The following SIRPB1 variants were observed in gnomAD, a reference collection of about 807,000 sequenced individuals.
SIRPB1 encodes signal-regulatory protein beta-1.
In SIRPB1, 28 loss-of-function variants were observed where a neutral mutation model predicts 34.1. That is an observed-to-expected ratio of 0.82 (90% CI 0.61 to 1.12). The LOEUF is 1.12. Ranked by LOEUF, SIRPB1 falls within the 50% of genes most tolerant of loss-of-function variation. SIRPB1 has a pLI of 0.00. For missense variants in SIRPB1, 499 were observed against 507.0 expected (o/e 0.98, Z 0.15); for synonymous variants, 211 against 203.8 (o/e 1.04, Z -0.30).
chr20:1,595,288 C>T lies in SIRPB1; in HGVS notation c.77-16594G>A, dbSNP rs2091455061. 4.1e-5 allele frequency among the ~76,000 whole-genome samples: 2 copies of T among 48,984 alleles called. 1 individual carries two copies. Among genetic ancestry groups the T allele is most frequent in the African/African-American group, 2.7e-4 (2 of 7,424 alleles). The allele number at this position is 48,984 out of a possible 152,430, so 32.1% of individuals were successfully genotyped here. ...AGAGGAGACATCACATAGAAATACA[C>T]CTGTATAGAGCAGGCTGCACACAAC... On this transcript the variant is annotated intron_variant, in intron 1 of 5. Coordinates refer to ENST00000381605, the MANE Select transcript of SIRPB1 (RefSeq NM_006065.5).
chr20:1,577,167 G>A (rs1235576536), intron 2 of SIRPB1, among the ~76,000 whole-genome samples: 1 of 148,140 alleles, frequency 6.8e-6, no homozygotes, highest in Non-Finnish European at 1.5e-5. Context: ...TTAACATTTG[G>A]GAAACTGATG....
chr20:1,564,274 GC>G lies in SIRPB1; in HGVS notation c.*1225del, dbSNP rs2091100743. The stretch of plus-strand genomic sequence containing the variant: ...TGCACTGCCATGAAAAGTGAGGGCT[GC>G]CTGTATTCGGCATAATACTCATCAA... On this transcript the variant is annotated 3_prime_UTR_variant, in exon 6 of 6. Transcript: ENST00000381605. The G allele has an allele frequency of 6.6e-6, 1 of 152,154 alleles. No individual in the cohort carries two copies. The highest frequency in any genetic ancestry group is 1.5e-5 in the Non-Finnish European group (1 of 68,026). The allele number at this position is 152,154 out of a possible 1,614,324, so 9.4% of individuals were successfully genotyped here.
At chr20:1,566,837 C>T (rs956956042) in intron 4 of SIRPB1, among the ~76,000 whole-genome samples, 1 of 152,110 alleles carries the variant, frequency 6.6e-6, no homozygotes, top group Non-Finnish European at 1.5e-5. Flanking sequence ...CCCATATTCT[C>T]ATGATCTCAG....
chr20:1,577,471 G>A (rs2091330626), intron 2 of SIRPB1, among the ~76,000 whole-genome samples: 1 of 147,620 alleles, frequency 6.8e-6, no homozygotes, highest in African/African-American at 2.5e-5. Flanking sequence ...TTAAGACGAG[G>A]CTTTTGGGGC....
intron 4 of SIRPB1, among the ~76,000 whole-genome samples, chr20:1,566,530 A>T (rs559852954): frequency 6.6e-6 from 1 of 152,246 alleles, no homozygotes; most frequent in African/African-American, 2.4e-5. Context: ...AGGTATTCAT[A>T]TATGTGGCAA....
chr20:1,618,182 A>G (rs2091658807), intron 1 of SIRPB1, among the ~76,000 whole-genome samples: 1 of 152,214 alleles, frequency 6.6e-6, no homozygotes, highest in Admixed American at 6.5e-5. Flanking sequence ...CATAGAAAGC[A>G]TCCAACACAT....
chr20:1,569,446 C>A (rs1172023345), intron 4 of SIRPB1, among the ~76,000 whole-genome samples: 1 of 152,208 alleles, frequency 6.6e-6, no homozygotes, highest in East Asian at 1.9e-4. Context: ...ATCACATGAT[C>A]CCTCAATGTG....
At chr20:1,619,720 C>A in intron 1 of SIRPB1, 149 bp downstream of exon 1, 1 of 554,940 alleles carries the variant, frequency 1.8e-6, no homozygotes. Flanking sequence ...AGAGAAAGTG[C>A]TCAGCTCCCT....
At position 1,562,819 on chromosome 20, in the gene SIRPB1, A is replaced by G. The variant is rs143076963; in HGVS notation, c.*2681T>C. Among the ~76,000 whole-genome samples the G allele has an allele frequency of 2.8e-3, 433 of 152,364 alleles. 1 individual carries two copies. Among genetic ancestry groups the G allele is most frequent in the African/African-American group, 1.0e-2 (414 of 41,600 alleles). On this transcript the variant is annotated 3_prime_UTR_variant, in exon 6 of 6. Coordinates refer to ENST00000381605, the MANE Select transcript of SIRPB1 (RefSeq NM_006065.5). ...GTGATGAGCCCATATGACATTTTAC[A>G]GAAATGAATAATTGAAAGAGGAATT... is the stretch of plus-strand genomic sequence containing the variant.
chr20:1,570,977 G>T lies in SIRPB1; in HGVS notation c.912C>A (p.Asn304Lys). Residue 304 changes from asparagine to lysine, a missense_variant, in exon 4 of 6, where the codon AAC becomes AAA. Asn to Lys is a moderately conservative substitution (Grantham distance 94, BLOSUM62 0). Transcript: ENST00000381605. ...RTETASTLIE[N>K]KDGTYNWMSW... ...TCATCCAGTTGTAGGTGCCATCCTTGTTCTCTATGAGGGTCGAAGCTGTTT... is the reference window on the plus strand; with the variant it reads ...TCATCCAGTTGTAGGTGCCATCCTTTTTCTCTATGAGGGTCGAAGCTGTTT... 6.2e-7 allele frequency: 1 copy of T among 1,614,170 alleles called. No individual in the cohort carries two copies. The highest frequency in any genetic ancestry group is 2.2e-5 in the East Asian group (1 of 44,878).
chr20:1,572,047 G>A lies in SIRPB1; in HGVS notation c.434-10C>T. On this transcript the variant is annotated splice_polypyrimidine_tract_variant and intron_variant, in intron 2 of 5. Coordinates refer to ENST00000381605, the MANE Select transcript of SIRPB1 (RefSeq NM_006065.5). The stretch of plus-strand genomic sequence containing the variant: ...GGGGCAGAGGGTTTGGCTACAAAAG[G>A]ACCATCGATAATCAGGAGACATGAC... 2 of 1,613,944 alleles carry A rather than the reference G, an allele frequency of 1.2e-6. No homozygotes were observed. Among genetic ancestry groups the A allele is most frequent in the Non-Finnish European group, 1.7e-6 (2 of 1,179,928 alleles).
chr20:1,571,761 TC>T lies in SIRPB1; in HGVS notation c.709del (p.Asp237ThrfsTer26), dbSNP rs2091241581. 1 of 1,613,956 alleles carries T rather than the reference TC, an allele frequency of 6.2e-7. No individual in the cohort carries two copies. Among genetic ancestry groups the T allele is most frequent in the Non-Finnish European group, 8.5e-7 (1 of 1,179,976 alleles). On this transcript the variant is annotated frameshift_variant, in exon 3 of 6. Transcript: ENST00000381605. LOFTEE classifies it high-confidence loss of function. ...CAAGTTGGCAGTCCCACGAAGAGGG[TC>T]CCCCTGCAAGGTGATGTGGGCTATC... Reference protein sequence around the residue: ...CEIAHITLQGDPLRGTANLSE... With the variant: ...CEIAHITLQGXPLRGTANLSE...
rs1284828278 is a variant in SIRPB1, at chr20:1,612,001, T to C, written c.76+7868A>G. ...TCTTTTCTTTTTGTTTTTCTTTTTC[T>C]TTTTTTTAAGACAGGGTCTTGCTCT... On this transcript the variant is annotated intron_variant, in intron 1 of 5. Coordinates refer to ENST00000381605, the MANE Select transcript of SIRPB1 (RefSeq NM_006065.5). 2.8e-5 allele frequency among the ~76,000 whole-genome samples: 2 copies of C among 71,074 alleles called. 1 individual carries two copies. The highest frequency in any genetic ancestry group is 2.3e-4 in the Admixed American group (2 of 8,736). The allele number at this position is 71,074 out of a possible 152,430, so 46.6% of individuals were successfully genotyped here. A position where few individuals can be genotyped will look rare whatever the true frequency, so the allele number is the denominator to read the frequency against.
chr20:1,570,483 A>G (rs2091213516), intron 4 of SIRPB1: 2 of 226,512 alleles, frequency 8.8e-6, no homozygotes, highest in African/African-American at 4.6e-5. Flanking sequence ...AGAAGGCGAG[A>G]CACAGGACTT....
Position 1,581,687 on chromosome 20 carries a change from T to A in SIRPB1, c.77-2993A>T, listed in dbSNP as rs796228169. ...CAGCAGGAGTCACTCTAACATTTTC[T>A]ATAGTAATGGCAATGAGGATGGGAT... On this transcript the variant is annotated intron_variant, in intron 1 of 5. Transcript: ENST00000381605. Among the ~76,000 whole-genome samples, 3 of 47,522 alleles carry A rather than the reference T, an allele frequency of 6.3e-5. 1 individual carries two copies. Among genetic ancestry groups the A allele is most frequent in the Admixed American group, 4.3e-4 (3 of 7,038 alleles). The allele number at this position is 47,522 out of a possible 152,430, so 31.2% of individuals were successfully genotyped here. A position where few individuals can be genotyped will look rare whatever the true frequency, so the allele number is the denominator to read the frequency against.
chr20:1,576,122 G>A (rs1383228819), intron 2 of SIRPB1, among the ~76,000 whole-genome samples: 3 of 145,612 alleles, frequency 2.1e-5, no homozygotes, highest in Non-Finnish European at 3.1e-5. Flanking sequence ...TACTTCACTA[G>A]GAGTGAGCAG....
intron 1 of SIRPB1, 120 bp from the exon 2 acceptor site, chr20:1,578,814 C>T (rs2091360142): frequency 3.8e-6 from 3 of 792,306 alleles, no homozygotes; most frequent in Middle Eastern, 3.0e-4. Context: ...TTGAGCTCAG[C>T]CCACTACATG....
At chr20:1,583,848 T>TTACTACTACTAC (rs60912313) in intron 1 of SIRPB1, among the ~76,000 whole-genome samples, 487 of 32,564 alleles carry the variant, frequency 0.015, 203 homozygotes, top group Non-Finnish European at 0.022. Flanking sequence ...AAGGGAAGTC[T>TTACTACTACTAC]TACTACTACT....
rs1338358241 is a variant in SIRPB1, at chr20:1,584,212, G to T, written c.77-5518C>A. ...CCTTTTACTCTAAGATCAGGAACAA[G>T]ACAATGATGCCCACTCTCAAGTTTT... is the stretch of plus-strand genomic sequence containing the variant. On this transcript the variant is annotated intron_variant, in intron 1 of 5. Transcript: ENST00000381605. Among the ~76,000 whole-genome samples the T allele has an allele frequency of 4.1e-5, 2 of 48,886 alleles. 1 individual carries two copies. The highest frequency in any genetic ancestry group is 7.9e-5 in the Non-Finnish European group (2 of 25,422). 32.1% of individuals were successfully genotyped at this position (48,886 alleles called of 152,430 possible).
Sources: allele counts gnomAD v4.1 joint callset (sites outside exome capture counted in the v4.1 genomes callset), GRCh38; gene constraint gnomAD v4.1.1; transcripts MANE v1.5; gene names NCBI Gene and HGNC (gene_info 2026-07-23, HGNC 2026-07-21).